Variants in RARB observed in about 807,000 individuals in gnomAD.
RARB encodes the protein retinoic acid receptor beta.
RARB carries 17 observed loss-of-function variants against 51.9 expected under a neutral mutation model. That is an observed-to-expected ratio of 0.33 (90% CI 0.22 to 0.49). The LOEUF (loss-of-function observed/expected upper bound fraction) is 0.49. Ranked by LOEUF, RARB falls within the 20% of genes least tolerant of loss-of-function variation. The pLI is 0.99. For synonymous variants in RARB, 215 were observed against 195.4 expected, an observed-to-expected ratio of 1.10 and a Z score of -0.84; for missense variants, 369 against 550.8, an observed-to-expected ratio of 0.67 and a Z score of 3.30.
At chr3:25,103,287 T>C (rs986941198) in intron 3 of RARB, among the ~76,000 whole-genome samples, 2 of 152,174 alleles carry the variant, frequency 1.3e-5, no homozygotes, top group African/African-American at 4.8e-5. Flanking sequence ...AAATGAGTAC[T>C]TCTTAAAACA....
intron 5 of RARB, among the ~76,000 whole-genome samples, chr3:25,232,132 A>G (rs1401204520): frequency 6.6e-6 from 1 of 152,168 alleles, no homozygotes; most frequent in African/African-American, 2.4e-5. Flanking sequence ...CAGCCTTTGC[A>G]CTTTTGTAAA....
chr3:25,132,582 A>G (rs7640943), intron 4 of RARB, among the ~76,000 whole-genome samples: 87,420 of 151,086 alleles, frequency 0.58, 25,488 homozygotes, highest in East Asian at 0.7. Flanking sequence ...TGGCACTTTT[A>G]TGGAAGTAAA....
intron 5 of RARB, among the ~76,000 whole-genome samples, chr3:25,179,766 G>T (rs1700825776): frequency 6.6e-6 from 1 of 152,096 alleles, no homozygotes; most frequent in Non-Finnish European, 1.5e-5. Flanking sequence ...AAGCTGAACA[G>T]GTATTGATTA....
chr3:25,257,813 T>TAGTC (rs1702903424), intron 5 of RARB, among the ~76,000 whole-genome samples: 1 of 152,056 alleles, frequency 6.6e-6, no homozygotes, highest in Non-Finnish European at 1.5e-5. Context: ...TTCTAAGCCC[T>TAGTC]CTTTGTTACC....
chr3:25,093,198 A>G (rs1015920225), intron 3 of RARB, among the ~76,000 whole-genome samples: 1 of 152,256 alleles, frequency 6.6e-6, no homozygotes, highest in South Asian at 2.1e-4. Flanking sequence ...TTTTTTGTTC[A>G]ATGATCCAGC....
At chr3:25,189,514 TG>T (rs374163246) in intron 5 of RARB, among the ~76,000 whole-genome samples, 7 of 152,114 alleles carry the variant, frequency 4.6e-5, no homozygotes, top group Admixed American at 1.3e-4. Context: ...AGAATCATTT[TG>T]AATCAGCTCC....
chr3:25,404,130 G>A (rs1211852659), intron 5 of RARB, among the ~76,000 whole-genome samples: 1 of 152,150 alleles, frequency 6.6e-6, no homozygotes, highest in Admixed American at 6.6e-5. Context: ...AAGCAGGGAG[G>A]AGTGATATTT....
intron 5 of RARB, among the ~76,000 whole-genome samples, chr3:25,233,191 C>G (rs1053273946): frequency 6.6e-6 from 1 of 151,908 alleles, no homozygotes; most frequent in Admixed American, 6.6e-5. Context: ...GAGCTCCTAG[C>G]CTCATGATCC....
At chr3:24,842,555 G>A (rs774814586) in intron 1 of RARB, among the ~76,000 whole-genome samples, 21 of 152,076 alleles carry the variant, frequency 1.4e-4, no homozygotes, top group Non-Finnish European at 2.6e-4. Flanking sequence ...TTGGCAGGCC[G>A]TTATTCATTT....
intron 2 of RARB, among the ~76,000 whole-genome samples, chr3:25,052,108 T>A (rs973004575): frequency 6.6e-6 from 1 of 152,182 alleles, no homozygotes; most frequent in African/African-American, 2.4e-5. Flanking sequence ...CTCATACCCA[T>A]TTCACTGGCC....
intron 5 of RARB, among the ~76,000 whole-genome samples, chr3:25,246,785 G>C (rs1466748065): frequency 2.0e-5 from 3 of 152,164 alleles, no homozygotes; most frequent in Non-Finnish European, 4.4e-5. Flanking sequence ...CTCCCCATCA[G>C]GAGGCACAGG....
At chr3:25,333,005 C>T (rs565543251) in intron 5 of RARB, among the ~76,000 whole-genome samples, 43 of 152,222 alleles carry the variant, frequency 2.8e-4, no homozygotes, top group African/African-American at 9.4e-4. Flanking sequence ...AACTACAAAC[C>T]ACTGCTCAAC....
At chr3:24,948,090 C>G (rs1440608855) in intron 2 of RARB, among the ~76,000 whole-genome samples, 1 of 152,158 alleles carries the variant, frequency 6.6e-6, no homozygotes, top group East Asian at 1.9e-4. Context: ...GGATTCAAGG[C>G]TCATTTCTCA....
At chr3:25,527,102 A>C (rs1698686087) in intron 3 of RARB, among the ~76,000 whole-genome samples, 2 of 152,148 alleles carry the variant, frequency 1.3e-5, no homozygotes, top group South Asian at 4.1e-4. Context: ...TCATCTGGGG[A>C]TCTTGATAAA....
chr3:25,465,878 T>C (rs1695406798), intron 2 of RARB, among the ~76,000 whole-genome samples: 1 of 152,230 alleles, frequency 6.6e-6, no homozygotes, highest in South Asian at 2.1e-4. Flanking sequence ...AAAACAGTCT[T>C]ATTGCTCATA....
At chr3:24,896,974 AT>A (rs1157789371) in intron 2 of RARB, among the ~76,000 whole-genome samples, 1 of 152,196 alleles carries the variant, frequency 6.6e-6, no homozygotes, top group Non-Finnish European at 1.5e-5. Context: ...ACACATCTTG[AT>A]TTGTCTGAAT....
chr3:25,045,386 A>G (rs1393101139), intron 2 of RARB, among the ~76,000 whole-genome samples: 2 of 152,182 alleles, frequency 1.3e-5, no homozygotes, highest in African/African-American at 2.4e-5. Context: ...GGCCCTTCCG[A>G]GAGAGAAAGC....
intron 5 of RARB, among the ~76,000 whole-genome samples, chr3:25,292,219 C>A (rs985747211): frequency 6.6e-6 from 1 of 152,158 alleles, no homozygotes; most frequent in Non-Finnish European, 1.5e-5. Context: ...TCACTGCTGG[C>A]GATGCAGCGA....
chr3:25,567,873 A>G (rs1374246045), intron 3 of RARB, among the ~76,000 whole-genome samples: 1 of 152,120 alleles, frequency 6.6e-6, no homozygotes, highest in African/African-American at 2.4e-5. Flanking sequence ...GCCTTCAGGC[A>G]TTCCCTCCCC....
Sources: gnomAD v4.1 joint callset for allele counts (sites outside exome capture counted in the v4.1 genomes callset) on GRCh38, gnomAD v4.1.1 for gene constraint, MANE v1.5 for transcripts, NCBI Gene and HGNC (gene_info 2026-07-23, HGNC 2026-07-21) for gene names.